TBC1D5: variants seen among roughly 807,000 people sequenced by gnomAD.
TBC1D5 encodes the protein TBC1 domain family member 5, also known as TBC1 domain family, member 5.
A neutral mutation model predicts 100.3 loss-of-function variants in TBC1D5; 75 were observed. The ratio of observed to expected loss-of-function variants is 0.75; its 90% CI spans 0.62 to 0.91. The LOEUF (loss-of-function observed/expected upper bound fraction) is 0.91, where lower values mean the gene tolerates loss of function less well. Ranked by LOEUF, TBC1D5 falls within the 40% of genes least tolerant of loss-of-function variation. The pLI is 0.00. For missense variants in TBC1D5, 910 were observed against 942.4 expected (o/e 0.97, Z 0.45); for synonymous variants, 323 against 325.6 (o/e 0.99, Z 0.09).
At chr3:17,606,689 T>C (rs1157525731) in intron 2 of TBC1D5, among the ~76,000 whole-genome samples, 1 of 152,140 alleles carries the variant, frequency 6.6e-6, no homozygotes, top group African/African-American at 2.4e-5. Context: ...CATTTTATAA[T>C]ATTAAACCTT....
intron 3 of TBC1D5, among the ~76,000 whole-genome samples, chr3:17,501,035 T>C (rs2095782183): frequency 1.3e-5 from 2 of 149,728 alleles, no homozygotes; most frequent in Non-Finnish European, 2.9e-5. Context: ...ATTTTTAAAA[T>C]CCACGTATTT....
intron 2 of TBC1D5, among the ~76,000 whole-genome samples, chr3:17,571,721 C>T (rs2096628438): frequency 1.3e-5 from 2 of 152,010 alleles, no homozygotes; most frequent in Admixed American, 6.6e-5. Context: ...AATATTGGAC[C>T]AACAAGAATT....
chr3:17,535,001 G>C (rs2096268791), intron 2 of TBC1D5, among the ~76,000 whole-genome samples: 1 of 152,130 alleles, frequency 6.6e-6, no homozygotes, highest in Non-Finnish European at 1.5e-5. Context: ...CCCTCAAAGA[G>C]AAAGTAAAAT....
At chr3:17,365,644 C>T (rs2092067261) in intron 13 of TBC1D5, among the ~76,000 whole-genome samples, 1 of 152,136 alleles carries the variant, frequency 6.6e-6, no homozygotes, top group South Asian at 2.1e-4. Flanking sequence ...GGACCTTAGG[C>T]TCTCCAGGGG....
chr3:17,724,075 C>CT (rs969049204), intron 1 of TBC1D5, among the ~76,000 whole-genome samples: 2,380 of 131,018 alleles, frequency 0.018, 81 homozygotes, highest in East Asian at 0.14. Context: ...CGATTGGCAA[C>CT]TTTTTTTTTT....
At chr3:17,370,734 CA>C (rs2092409109) in intron 13 of TBC1D5, among the ~76,000 whole-genome samples, 2 of 152,102 alleles carry the variant, frequency 1.3e-5, no homozygotes, top group Admixed American at 1.3e-4. Flanking sequence ...AGAATATAAA[CA>C]AAACACTATT....
intron 13 of TBC1D5, among the ~76,000 whole-genome samples, chr3:17,332,093 G>C (rs1255530493): frequency 6.6e-6 from 1 of 152,188 alleles, no homozygotes; most frequent in African/African-American, 2.4e-5. Context: ...AAGGAGACTA[G>C]GATGAAAACA....
intron 1 of TBC1D5, among the ~76,000 whole-genome samples, chr3:17,634,643 A>G (rs1220717784): frequency 1.3e-5 from 2 of 151,906 alleles, no homozygotes; most frequent in African/African-American, 2.4e-5. Context: ...AAAAAAAAAA[A>G]AAGTGAATAA....
chr3:17,345,097 C>T (rs1180426420), intron 13 of TBC1D5, among the ~76,000 whole-genome samples: 1 of 152,034 alleles, frequency 6.6e-6, no homozygotes, highest in Non-Finnish European at 1.5e-5. Context: ...AGAGCTTCTG[C>T]ACAGCAAAAG....
intron 3 of TBC1D5, among the ~76,000 whole-genome samples, chr3:17,433,257 A>G (rs1023065804): frequency 2.0e-5 from 3 of 152,226 alleles, no homozygotes; most frequent in Non-Finnish European, 4.4e-5. Context: ...ACATACAACA[A>G]GCCAAACTAA....
intron 2 of TBC1D5, among the ~76,000 whole-genome samples, chr3:17,553,379 G>C (rs1451652482): frequency 1.3e-5 from 2 of 152,080 alleles, no homozygotes; most frequent in African/African-American, 4.8e-5. Flanking sequence ...GGAAAGACCA[G>C]CTTTCCCTCC....
chr3:17,503,854 A>G (rs762747580), intron 3 of TBC1D5, among the ~76,000 whole-genome samples: 1 of 149,744 alleles, frequency 6.7e-6, no homozygotes, highest in Non-Finnish European at 1.5e-5. Context: ...GCATTAACTC[A>G]ATAATTCTTA....
chr3:17,645,826 C>T (rs1022393628), intron 1 of TBC1D5, among the ~76,000 whole-genome samples: 5 of 152,038 alleles, frequency 3.3e-5, no homozygotes, highest in African/African-American at 1.2e-4. Context: ...CCCCTTCCCC[C>T]CTACTTTTCT....
At chr3:17,529,542 T>C (rs2096188975) in intron 2 of TBC1D5, among the ~76,000 whole-genome samples, 1 of 152,182 alleles carries the variant, frequency 6.6e-6, no homozygotes, top group African/African-American at 2.4e-5. Context: ...TGTTTACATA[T>C]ATACATATAT....
chr3:17,238,918 A>T (rs1420318018), intron 16 of TBC1D5, among the ~76,000 whole-genome samples: 1 of 152,120 alleles, frequency 6.6e-6, no homozygotes, highest in East Asian at 1.9e-4. Flanking sequence ...ATTTAATATG[A>T]TTTTGAAAAT....
intron 3 of TBC1D5, among the ~76,000 whole-genome samples, chr3:17,462,015 A>G (rs2095220289): frequency 6.6e-6 from 1 of 152,134 alleles, no homozygotes; most frequent in African/African-American, 2.4e-5. Flanking sequence ...TCTTTTTAAC[A>G]TCATTCCTAC....
intron 13 of TBC1D5, among the ~76,000 whole-genome samples, chr3:17,329,900 T>A (rs2086664818): frequency 6.6e-6 from 1 of 152,188 alleles, no homozygotes. Context: ...ATTTCTCTAT[T>A]CTTCATCATG....
chr3:17,358,630 CCACT>C (rs2091436268), intron 13 of TBC1D5, among the ~76,000 whole-genome samples: 1 of 151,990 alleles, frequency 6.6e-6, no homozygotes, highest in Non-Finnish European at 1.5e-5. Flanking sequence ...TATCTCAGTC[CCACT>C]CATTTTGTTA....
intron 1 of TBC1D5, among the ~76,000 whole-genome samples, chr3:17,631,385 C>T (rs1408519486): frequency 6.6e-6 from 1 of 152,188 alleles, no homozygotes; most frequent in Admixed American, 6.5e-5. Flanking sequence ...TTCTCTATAA[C>T]ATTAAAGTGC....
Sources: gnomAD v4.1 joint callset for allele counts (sites outside exome capture counted in the v4.1 genomes callset) on GRCh38, gnomAD v4.1.1 for gene constraint, MANE v1.5 for transcripts, NCBI Gene and HGNC (gene_info 2026-07-23, HGNC 2026-07-21) for gene names.